The following RNF212B variants were observed in gnomAD, a reference collection of about 807,000 sequenced individuals.
RNF212B encodes E3 ubiquitin-protein ligase RNF212B.
A neutral mutation model predicts 55.5 loss-of-function variants in RNF212B; 52 were observed. That is an observed-to-expected ratio of 0.94 (90% confidence interval 0.75 to 1.18). RNF212B has a LOEUF of 1.18. Ranked by LOEUF, RNF212B falls within the 50% of genes most tolerant of loss-of-function variation. RNF212B has a pLI of 0.00. For synonymous variants in RNF212B, 99 were observed against 121.4 expected (o/e 0.82, Z 1.21); for missense variants, 289 against 350.4 (o/e 0.82, Z 1.40).
intron 11 of RNF212B, 59 bp downstream of exon 11, chr14:23,264,730 T>G: frequency 1.8e-6 from 2 of 1,099,238 alleles, no homozygotes; most frequent in Admixed American, 4.1e-5. Flanking sequence ...GATCTGCGGA[T>G]TTCTGGTTTT....
At chr14:23,210,583 C>A (rs997752468) in intron 2 of RNF212B, among the ~76,000 whole-genome samples, 1 of 151,742 alleles carries the variant, frequency 6.6e-6, no homozygotes, top group Admixed American at 6.6e-5. Context: ...TGAGACCAGT[C>A]TTGCCAACAT....
intron 2 of RNF212B, among the ~76,000 whole-genome samples, chr14:23,240,837 A>G (rs1883516739): frequency 6.6e-6 from 1 of 152,206 alleles, no homozygotes; most frequent in Non-Finnish European, 1.5e-5. Flanking sequence ...CATCAATTTG[A>G]TTAGAAATGA....
At chr14:23,252,440 A>G (rs990993687) in intron 4 of RNF212B, among the ~76,000 whole-genome samples, 7 of 152,216 alleles carry the variant, frequency 4.6e-5, no homozygotes, top group African/African-American at 1.7e-4. Context: ...ATATAATGAT[A>G]TGTATAATAT....
upstream of RNF212B, among the ~76,000 whole-genome samples, chr14:23,236,767 T>A (rs544440797): frequency 1.5e-4 from 23 of 152,140 alleles, no homozygotes; most frequent in African/African-American, 5.3e-4. Flanking sequence ...GTTTGAGAAC[T>A]ACTACTCTAA....
At chr14:23,243,802 T>C (rs1356754592) in intron 3 of RNF212B, among the ~76,000 whole-genome samples, 7 of 149,390 alleles carry the variant, frequency 4.7e-5, no homozygotes, top group Non-Finnish European at 8.9e-5. Context: ...ACAGGCCAGC[T>C]GAGGAGGCTC....
chr14:23,190,633 TG>T (rs1478051626), intron 1 of RNF212B, among the ~76,000 whole-genome samples: 2 of 152,192 alleles, frequency 1.3e-5, no homozygotes, highest in African/African-American at 4.8e-5. Flanking sequence ...TCACCTACAC[TG>T]TTTCAATAGC....
intron 2 of RNF212B, among the ~76,000 whole-genome samples, chr14:23,224,157 A>C (rs992314660): frequency 2.0e-5 from 3 of 152,190 alleles, no homozygotes; most frequent in Non-Finnish European, 4.4e-5. Context: ...TAAAATGTCC[A>C]TGCTACCCAA....
At position 23,229,992 on chromosome 14, in the gene RNF212B, C is replaced by A. The variant is rs114075158; in HGVS notation, c.-1-10353C>A. 1,410 of 207,430 alleles carry A rather than the reference C, an allele frequency of 6.8e-3. 15 individuals carry two copies. Among genetic ancestry groups the A allele is most frequent in the African/African-American group, 0.031 (1,321 of 43,132 alleles). 12.8% of individuals were successfully genotyped at this position (207,430 alleles called of 1,614,324 possible). A position where few individuals can be genotyped will look rare whatever the true frequency, so the allele number is the denominator to read the frequency against. ...ATCCAGCTTGAATCTTCTCCAATGTCTCCTTTTAAAGTTGTACCTGATTTT... is the reference window on the plus strand; with the variant it reads ...ATCCAGCTTGAATCTTCTCCAATGTATCCTTTTAAAGTTGTACCTGATTTT... On this transcript the variant is annotated intron_variant, in intron 2 of 15. Transcript: ENST00000399910.
chr14:23,258,338 CAAAAA>C (rs1213381274), intron 4 of RNF212B: 57 of 152,516 alleles, frequency 3.7e-4, no homozygotes, highest in East Asian at 9.5e-4. Flanking sequence ...AACTCTGTCT[CAAAAA>C]AAAAAAAAAA....
In RNF212B at chr14:23,203,532, G is replaced by A. The variant is rs1398394212; in HGVS notation, c.-2+10131G>A. On this transcript the variant is annotated intron_variant, in intron 2 of 15. Coordinates refer to the RNF212B transcript ENST00000399910. ...CTTGCTCTGTCACCCACGCTGGAGT[G>A]CAATGGCACGATCTTGGCTCACTGC... Among the ~76,000 whole-genome samples, 5 of 148,078 alleles carry A rather than the reference G, an allele frequency of 3.4e-5. No individual in the cohort carries two copies. In the East Asian group the frequency reaches 1.0e-3, roughly 30 times the overall value.
At chr14:23,258,501 G>A in intron 4 of RNF212B, 48 bp from the exon 5 acceptor site, 1 of 866,550 alleles carries the variant, frequency 1.2e-6, no homozygotes, top group Non-Finnish European at 1.8e-6. Flanking sequence ...GAAGTGAAGG[G>A]AAAGGAGTTA....
At chr14:23,228,462 C>A (rs1173322063) in intron 2 of RNF212B, among the ~76,000 whole-genome samples, 6 of 76,092 alleles carry the variant, frequency 7.9e-5, no homozygotes, top group Admixed American at 1.7e-4. Flanking sequence ...CTATCTCTAC[C>A]AAAAAAAAAA....
chr14:23,187,677 G>A (rs1173664517), intron 1 of RNF212B, among the ~76,000 whole-genome samples: 1 of 152,020 alleles, frequency 6.6e-6, no homozygotes, highest in Non-Finnish European at 1.5e-5. Context: ...ACCAACAAAG[G>A]ACCCAAATCT....
intron 1 of RNF212B, among the ~76,000 whole-genome samples, chr14:23,239,347 AC>A (rs1883387215): frequency 6.6e-6 from 1 of 152,146 alleles, no homozygotes; most frequent in Admixed American, 6.5e-5. Flanking sequence ...GGTGTGAGAC[AC>A]CATGCTTGGC....
intron 2 of RNF212B, among the ~76,000 whole-genome samples, chr14:23,227,859 G>T (rs178757): frequency 4.6e-5 from 7 of 151,866 alleles, no homozygotes; most frequent in Middle Eastern, 3.4e-3. Context: ...TCAGCCCCCC[G>T]AAGTGCTGGG....
intron 11 of RNF212B, among the ~76,000 whole-genome samples, chr14:23,265,487 TCA>T (rs1885623381): frequency 6.6e-6 from 1 of 152,212 alleles, no homozygotes; most frequent in Non-Finnish European, 1.5e-5. Context: ...AGAATACCTA[TCA>T]GAGAAGACTT....
chr14:23,264,631 A>G lies in RNF212B; in HGVS notation c.594A>G (p.Arg198=). Reference sequence around the variant, plus strand: ...TATTATTTGTCTATCAGGGAGGCAGAGGTCTGCAGGGAAGGAGAACTCCCA... The same window carrying G: ...TATTATTTGTCTATCAGGGAGGCAGGGGTCTGCAGGGAAGGAGAACTCCCA... The part of the protein sequence containing the change: ...AGFGSLGQGG[R]GLQGRRTPRD... The change falls in exon 11 of 15, where the codon AGA becomes AGG. Residue 198 remains arginine, a synonymous_variant. Coordinates refer to ENST00000430154, the MANE Select transcript of RNF212B (RefSeq NM_001282322.3). 1 of 1,340,954 alleles carries G rather than the reference A, an allele frequency of 7.5e-7. No homozygotes were observed. The highest frequency in any genetic ancestry group is 9.6e-7 in the Non-Finnish European group (1 of 1,038,738). The allele number at this position is 1,340,954 out of a possible 1,614,324, so 83.1% of individuals were successfully genotyped here.
chr14:23,200,981 A>G (rs145538668), intron 2 of RNF212B, among the ~76,000 whole-genome samples: 1 of 152,364 alleles, frequency 6.6e-6, no homozygotes, highest in African/African-American at 2.4e-5. Flanking sequence ...AGAAACAAAT[A>G]TGCTCCAAAT....
intron 3 of RNF212B, among the ~76,000 whole-genome samples, chr14:23,243,793 C>T (rs1379218967): frequency 3.5e-5 from 5 of 142,822 alleles, no homozygotes; most frequent in Non-Finnish European, 6.1e-5. Flanking sequence ...GTATAAATAA[C>T]AGGCCAGCTG....
Sources: gnomAD v4.1 joint callset for allele counts (sites outside exome capture counted in the v4.1 genomes callset) on GRCh38, gnomAD v4.1.1 for gene constraint, MANE v1.5 for transcripts, NCBI Gene and HGNC (gene_info 2026-07-23, HGNC 2026-07-21) for gene names.